Variants in PKNOX2 observed in about 807,000 individuals in gnomAD.
PKNOX2 encodes PBX/knotted 1 homeobox 2.
PKNOX2 carries 14 observed loss-of-function variants against 53.1 expected under a neutral mutation model. The ratio of observed to expected loss-of-function variants is 0.26; its 90% CI spans 0.17 to 0.41. The LOEUF is 0.41. PKNOX2 is among the 10% of genes least tolerant of loss of function. PKNOX2 has a pLI of 1.00. For synonymous variants in PKNOX2, 257 were observed against 242.8 expected, an observed-to-expected ratio of 1.06 and a Z score of -0.54; for missense variants, 496 against 602.8, an observed-to-expected ratio of 0.82 and a Z score of 1.85.
At chr11:125,353,882 G>A (rs570941621) in intron 4 of PKNOX2, among the ~76,000 whole-genome samples, 5 of 152,228 alleles carry the variant, frequency 3.3e-5, no homozygotes, top group African/African-American at 9.6e-5. Flanking sequence ...CAAGGAAACC[G>A]AGCAGGATGT....
At position 125,287,906 on chromosome 11, in the gene PKNOX2, T is replaced by G. The variant is rs1026552175; in HGVS notation, c.-129-43913T>G. On this transcript the variant is annotated intron_variant, in intron 2 of 12. Transcript: ENST00000298282. ...AAGCCAGGGGGGCCACACAGAGCCC[T>G]GCAGCCTGTCAGCAGGGCTTGGCTT... 9 of 152,170 alleles carry G rather than the reference T, an allele frequency of 5.9e-5. 1 individual carries two copies. The highest frequency in any genetic ancestry group is 2.2e-4 in the African/African-American group (9 of 41,444). 9.4% of individuals were successfully genotyped at this position (152,170 alleles called of 1,614,324 possible).
Position 125,410,885 on chromosome 11 carries a change from G to A in PKNOX2, c.816+9G>A. 6.2e-7 allele frequency: 1 copy of A among 1,609,704 alleles called. No homozygotes were observed. The highest frequency in any genetic ancestry group is 8.5e-7 in the Non-Finnish European group (1 of 1,176,014). ...AGATCCAGAACACACAGGTGAGTGTGTGTAGGTGTGTGCACATGTGCATGG... is the reference window on the plus strand; with the variant it reads ...AGATCCAGAACACACAGGTGAGTGTATGTAGGTGTGTGCACATGTGCATGG... On this transcript the variant is annotated intron_variant, in intron 9 of 12. Coordinates refer to ENST00000298282, the MANE Select transcript of PKNOX2 (RefSeq NM_001382323.2).
At chr11:125,346,535 G>A (rs924243526) in intron 3 of PKNOX2, among the ~76,000 whole-genome samples, 3 of 152,186 alleles carry the variant, frequency 2.0e-5, no homozygotes, top group Admixed American at 6.5e-5. Context: ...TAGATCATGG[G>A]AACTGAGAAC....
intron 10 of PKNOX2, among the ~76,000 whole-genome samples, chr11:125,424,304 A>G (rs1250535149): frequency 6.6e-6 from 1 of 152,182 alleles, no homozygotes. Context: ...CTACAGAAAG[A>G]GAAGTTTCTC....
rs117653746 is a variant in PKNOX2 at position 125,192,454 on chromosome 11, G to A, written c.-201+27678G>A. On this transcript the variant is annotated intron_variant, in intron 1 of 12. Transcript: ENST00000298282. ...AGCGTCCATCCTGTGTCCTGCTGGCGGGAATTCATAAATGATGTCCTTTAA... is the reference window on the plus strand; with the variant it reads ...AGCGTCCATCCTGTGTCCTGCTGGCAGGAATTCATAAATGATGTCCTTTAA... Among the ~76,000 whole-genome samples, 14 of 152,314 alleles carry A rather than the reference G, an allele frequency of 9.2e-5. No homozygotes were observed. The East Asian group carries it at 2.5e-3, about 27-fold the overall frequency.
At chr11:125,427,270 T>G (rs1316639726) in intron 10 of PKNOX2, among the ~76,000 whole-genome samples, 1 of 152,214 alleles carries the variant, frequency 6.6e-6, no homozygotes, top group Non-Finnish European at 1.5e-5. Flanking sequence ...AATTGGCTCC[T>G]GTAATGCTGA....
intron 4 of PKNOX2, among the ~76,000 whole-genome samples, chr11:125,353,913 A>G (rs1386797872): frequency 1.3e-5 from 2 of 148,360 alleles, no homozygotes; most frequent in East Asian, 2.1e-4. Flanking sequence ...GAAAGGAGCT[A>G]GGGCAGGGGT....
At chr11:125,327,284 T>C (rs1949880674) in intron 2 of PKNOX2, among the ~76,000 whole-genome samples, 1 of 152,182 alleles carries the variant, frequency 6.6e-6, no homozygotes, top group Non-Finnish European at 1.5e-5. Flanking sequence ...ACGGGTCCAG[T>C]AGAATGAACT....
intron 1 of PKNOX2, among the ~76,000 whole-genome samples, chr11:125,201,938 T>C (rs1213701967): frequency 6.6e-6 from 1 of 152,228 alleles, no homozygotes; most frequent in African/African-American, 2.4e-5. Flanking sequence ...TGGCTGCTCC[T>C]TGGGGTCTGG....
chr11:125,293,789 TCACA>T lies in PKNOX2; in HGVS notation c.-129-38022_-129-38019del, dbSNP rs1018337701. Among the ~76,000 whole-genome samples, 105 of 149,682 alleles carry T rather than the reference TCACA, an allele frequency of 7.0e-4. 1 individual carries two copies. The highest frequency in any genetic ancestry group is 2.5e-3 in the African/African-American group (100 of 40,124). On this transcript the variant is annotated intron_variant, in intron 2 of 12. Transcript: ENST00000298282. ...CACTCACATACTGACACAGACACGC[TCACA>T]CACACACGCTCACACACACTCACAC...
chr11:125,281,662 C>T (rs1303908719), intron 2 of PKNOX2, among the ~76,000 whole-genome samples: 2 of 152,308 alleles, frequency 1.3e-5, no homozygotes, highest in Non-Finnish European at 2.9e-5. Flanking sequence ...TACTGTATTT[C>T]AGGAACATGA....
chr11:125,236,304 C>G (rs1041334431), intron 2 of PKNOX2, among the ~76,000 whole-genome samples: 3 of 146,048 alleles, frequency 2.1e-5, no homozygotes, highest in African/African-American at 7.7e-5. Flanking sequence ...TGCTCAGGAG[C>G]AGTCGGATCT....
intron 3 of PKNOX2, among the ~76,000 whole-genome samples, chr11:125,349,836 A>AAC (rs1951199693): frequency 1.1e-5 from 1 of 88,784 alleles, no homozygotes; most frequent in African/African-American, 3.9e-5. Context: ...AACCAAAAGA[A>AAC]TCACACACAC....
chr11:125,420,263 C>T (rs1248687453), intron 10 of PKNOX2, among the ~76,000 whole-genome samples: 2 of 150,096 alleles, frequency 1.3e-5, no homozygotes, highest in African/African-American at 4.9e-5. Flanking sequence ...CACGGTGGCT[C>T]ACGCCTTTAA....
chr11:125,383,758 C>T (rs1301453272), intron 5 of PKNOX2, among the ~76,000 whole-genome samples: 2 of 152,150 alleles, frequency 1.3e-5, no homozygotes, highest in Admixed American at 1.3e-4. Context: ...TATCCATTGG[C>T]CTCATGGGGT....
chr11:125,359,333 A>G (rs1323779854), intron 4 of PKNOX2, among the ~76,000 whole-genome samples: 1 of 151,904 alleles, frequency 6.6e-6, no homozygotes, highest in East Asian at 1.9e-4. Flanking sequence ...CACCCCAGGG[A>G]CCATATGGGG....
chr11:125,325,969 G>A (rs1460540370), intron 2 of PKNOX2, among the ~76,000 whole-genome samples: 1 of 152,196 alleles, frequency 6.6e-6, no homozygotes, highest in Non-Finnish European at 1.5e-5. Context: ...TAATAACTAA[G>A]TAAGCAAACC....
intron 2 of PKNOX2, among the ~76,000 whole-genome samples, chr11:125,250,554 T>A (rs1183549931): frequency 4.6e-5 from 7 of 152,150 alleles, no homozygotes. Context: ...TGGAAAGACC[T>A]GGGCCTAGCG....
intron 2 of PKNOX2, among the ~76,000 whole-genome samples, chr11:125,291,356 T>A (rs1947293089): frequency 6.6e-6 from 1 of 152,068 alleles, no homozygotes; most frequent in South Asian, 2.1e-4. Context: ...CTTGGACTCA[T>A]CCCCTTCTTT....
Sources: allele counts gnomAD v4.1 joint callset (sites outside exome capture counted in the v4.1 genomes callset), GRCh38; gene constraint gnomAD v4.1.1; transcripts MANE v1.5; gene names NCBI Gene and HGNC (gene_info 2026-07-23, HGNC 2026-07-21).